Variants in CHL1 observed in about 807,000 individuals in gnomAD.
CHL1 encodes the protein cell adhesion molecule L1 like, also known as neural cell adhesion molecule L1-like protein.
In CHL1, 96 loss-of-function variants were observed where a neutral mutation model predicts 141.9. The observed-to-expected ratio is 0.68, with a 90% confidence interval of 0.57 to 0.80. The LOEUF is 0.80. Among genes scored for constraint, CHL1 ranks in the 30% least tolerant of loss-of-function variants. The probability of loss-of-function intolerance (pLI) is 0.00; values close to 1 mark genes in which losing one functional copy is unlikely to be tolerated. For synonymous variants in CHL1, 613 were observed against 502.2 expected (o/e 1.22, Z -2.95); for missense variants, 1,820 against 1,457.2 (o/e 1.25, Z -4.05).
At chr3:403,518 G>C (rs1435869720) in intron 27 of CHL1, among the ~76,000 whole-genome samples, 1 of 152,074 alleles carries the variant, frequency 6.6e-6, no homozygotes, top group Non-Finnish European at 1.5e-5. Context: ...CTGCACTCCA[G>C]CCTGGGCAAC....
At chr3:338,476 G>A (rs2125131827) in intron 5 of CHL1, among the ~76,000 whole-genome samples, 1 of 152,214 alleles carries the variant, frequency 6.6e-6, no homozygotes, top group Non-Finnish European at 1.5e-5. Flanking sequence ...TAGACTTCAT[G>A]TTAGCTGCTG....
At chr3:403,477 G>A (rs1262537957) in intron 27 of CHL1, among the ~76,000 whole-genome samples, 2 of 152,056 alleles carry the variant, frequency 1.3e-5, no homozygotes, top group African/African-American at 2.4e-5. Context: ...AACTCAGGAG[G>A]CGGAGGTTGC....
intron 16 of CHL1, among the ~76,000 whole-genome samples, chr3:381,685 A>G (rs906809075): frequency 4.6e-5 from 7 of 152,292 alleles, no homozygotes; most frequent in African/African-American, 1.7e-4. Context: ...ATTGGGAGTC[A>G]GCCAAAAAGA....
intron 2 of CHL1, among the ~76,000 whole-genome samples, chr3:245,371 T>A (rs1251601729): frequency 6.6e-6 from 1 of 152,170 alleles, no homozygotes; most frequent in Non-Finnish European, 1.5e-5. Flanking sequence ...AAAACTGGAA[T>A]AATAGTTGTA....
intron 2 of CHL1, among the ~76,000 whole-genome samples, chr3:283,938 T>A (rs759102450): frequency 3.2e-4 from 48 of 152,214 alleles, no homozygotes; most frequent in Non-Finnish European, 5.7e-4. Context: ...TAGTAGGGAA[T>A]TTATCAGATG....
chr3:326,135 A>G (rs1318975954), intron 4 of CHL1, 71 bp downstream of exon 4: 2 of 874,864 alleles, frequency 2.3e-6, no homozygotes, highest in Non-Finnish European at 3.6e-6. Context: ...TACTCTTACC[A>G]TCACAAGCCT....
At chr3:322,424 C>T (rs1255109409) in intron 3 of CHL1, among the ~76,000 whole-genome samples, 1 of 151,556 alleles carries the variant, frequency 6.6e-6, no homozygotes, top group African/African-American at 2.4e-5. Context: ...GGGACACATC[C>T]AGATGGTCTG....
chr3:240,683 G>C (rs1209883061), intron 1 of CHL1, among the ~76,000 whole-genome samples: 1 of 152,168 alleles, frequency 6.6e-6, no homozygotes, highest in East Asian at 1.9e-4. Context: ...CCAATGTCTA[G>C]AAGAGTTTTT....
At chr3:320,833 A>G (rs1700506497) in intron 3 of CHL1, among the ~76,000 whole-genome samples, 1 of 152,076 alleles carries the variant, frequency 6.6e-6, no homozygotes, top group Admixed American at 6.6e-5. Flanking sequence ...AGAGGTTATT[A>G]AGACATTTTT....
chr3:280,392 G>A (rs1008486400), intron 2 of CHL1, among the ~76,000 whole-genome samples: 1 of 151,882 alleles, frequency 6.6e-6, no homozygotes, highest in Non-Finnish European at 1.5e-5. Context: ...AGAATCTGTG[G>A]CAAATTATTT....
chr3:397,250 G>A (rs1466043211), intron 24 of CHL1, among the ~76,000 whole-genome samples: 3 of 151,984 alleles, frequency 2.0e-5, no homozygotes, highest in African/African-American at 4.8e-5. Context: ...TTTCAATGAC[G>A]CTTAATCTTG....
In CHL1 at chr3:225,094, A is replaced by G. The variant is rs1207701903; in HGVS notation, c.-174-19519A>G. ...GGCTGCAGTAAGCCAAGATCTCGCCACTGCACTCCAGCCTGAGTGACAGAG... is the reference window on the plus strand; with the variant it reads ...GGCTGCAGTAAGCCAAGATCTCGCCGCTGCACTCCAGCCTGAGTGACAGAG... On this transcript the variant is annotated intron_variant, in intron 1 of 27. Transcript: ENST00000256509. Among the ~76,000 whole-genome samples, 4 of 152,202 alleles carry G rather than the reference A, an allele frequency of 2.6e-5. No individual in the cohort carries two copies. In the East Asian group the frequency reaches 7.7e-4, roughly 29 times the overall value.
At chr3:301,992 T>C (rs532664012) in intron 2 of CHL1, among the ~76,000 whole-genome samples, 1 of 152,340 alleles carries the variant, frequency 6.6e-6, no homozygotes, top group East Asian at 1.9e-4. Flanking sequence ...CGTGAGAATA[T>C]GTGGTGCATG....
intron 15 of CHL1, among the ~76,000 whole-genome samples, chr3:375,427 T>A (rs1004486915): frequency 6.6e-6 from 1 of 151,786 alleles, no homozygotes; most frequent in Non-Finnish European, 1.5e-5. Flanking sequence ...TAGGAGCTGC[T>A]TTTTTCCCCC....
At chr3:234,147 T>G (rs1284144408) in intron 1 of CHL1, among the ~76,000 whole-genome samples, 4 of 151,702 alleles carry the variant, frequency 2.6e-5, no homozygotes, top group Non-Finnish European at 5.9e-5. Context: ...CACTAAAATA[T>G]TATTTTACAG....
chr3:391,839 A>C (rs1242615518), intron 23 of CHL1, 42 bp downstream of exon 23: 1 of 1,503,398 alleles, frequency 6.7e-7, no homozygotes, highest in South Asian at 1.2e-5. Flanking sequence ...TTAATGTTTC[A>C]TTTTTTGGTT....
chr3:200,580 C>T (rs1247764332), intron 1 of CHL1, among the ~76,000 whole-genome samples: 8 of 152,164 alleles, frequency 5.3e-5, no homozygotes, highest in Admixed American at 2.0e-4. Flanking sequence ...ATACAATATG[C>T]TAAGTTAACA....
intron 1 of CHL1, among the ~76,000 whole-genome samples, chr3:239,954 A>G (rs1377965872): frequency 1.3e-5 from 2 of 152,134 alleles, no homozygotes; most frequent in African/African-American, 4.8e-5. Context: ...GTAGTATTCC[A>G]TCATATATAT....
chr3:325,995 T>C lies in CHL1; in HGVS notation c.128T>C (p.Val43Ala), dbSNP rs148331501. The C allele has an allele frequency of 4.5e-5, 72 of 1,611,814 alleles. No individual in the cohort carries two copies. In the African/African-American group the frequency reaches 4.5e-4, roughly 10 times the overall value. The stretch of plus-strand genomic sequence containing the variant: ...CCAACAATCATAAAACAGTCAAAAG[T>C]CCAAGTTGCCTTTCCCTTCGATGAG... ...QVPTIIKQSK[V>A]QVAFPFDEYF... The change falls in exon 4 of 28, where the codon GTC becomes GCC. Residue 43 changes from valine (V) to alanine (A), a missense_variant. Val to Ala is a moderately conservative substitution (Grantham distance 64). Coordinates refer to ENST00000256509, the MANE Select transcript of CHL1 (RefSeq NM_006614.4).
Sources: gnomAD v4.1 joint callset for allele counts (sites outside exome capture counted in the v4.1 genomes callset) on GRCh38, gnomAD v4.1.1 for gene constraint, MANE v1.5 for transcripts, NCBI Gene and HGNC (gene_info 2026-07-23, HGNC 2026-07-21) for gene names.